ASB6: variants seen among roughly 807,000 people sequenced by gnomAD.
ASB6 encodes ankyrin repeat and SOCS box containing 6.
Under a neutral mutation model 28.6 loss-of-function variants are expected in ASB6, and 24 were observed. That is an observed-to-expected ratio of 0.84 (90% CI 0.61 to 1.18). The LOEUF (loss-of-function observed/expected upper bound fraction) is 1.18. ASB6 is among the 50% of genes most tolerant of loss of function. ASB6 has a pLI of 0.00. For synonymous variants in ASB6, 267 were observed against 243.4 expected (o/e 1.10, Z -0.90); for missense variants, 519 against 559.8 (o/e 0.93, Z 0.74).
In ASB6 at chr9:129,638,776, A is replaced by G; in HGVS notation, c.512-117T>C. 9 of 843,128 alleles carry G rather than the reference A, an allele frequency of 1.1e-5. 1 individual carries two copies. In the South Asian group the frequency reaches 1.3e-4, roughly 12 times the overall value. The allele number at this position is 843,128 out of a possible 1,614,324, so 52.2% of individuals were successfully genotyped here. A position where few individuals can be genotyped will look rare whatever the true frequency, so the allele number is the denominator to read the frequency against. On this transcript the variant is annotated intron_variant, in intron 4 of 5. Transcript: ENST00000277458. ...AGGATCAGAAGATGAACTTTCAGAG[A>G]CAACTCTCAGCTCAGGTGAGGGCTG... is the stretch of plus-strand genomic sequence containing the variant.
chr9:129,637,634 T>G lies in ASB6; in HGVS notation c.*156A>C. On this transcript the variant is annotated 3_prime_UTR_variant, in exon 6 of 6. Transcript: ENST00000277458. ...AGAGCTGCACCCTTCACCACTGGAG[T>G]GATCACAGCTTCAGGCTCTACCTGG... 1.4e-6 allele frequency: 1 copy of G among 696,124 alleles called. No individual in the cohort carries two copies. 43.1% of individuals were successfully genotyped at this position (696,124 alleles called of 1,614,324 possible).
chr9:129,638,080 C>T lies in ASB6; in HGVS notation c.976G>A (p.Ala326Thr). ...ACCATGAGATCCAGGACAGTCTCAG[C>T]TTTGCGCAGGAGGTCCGCATGGCTC... Reference protein sequence around the residue: ...DESHADLLRKAETVLDLMVTN... With the variant: ...DESHADLLRKTETVLDLMVTN... Residue 326 changes from alanine to threonine, a missense_variant, in exon 6 of 6, where the codon GCT becomes ACT. Transcript: ENST00000277458. The T allele has an allele frequency of 6.2e-7, 1 of 1,614,214 alleles. No homozygotes were observed. The highest frequency in any genetic ancestry group is 8.5e-7 in the Non-Finnish European group (1 of 1,180,048).
In ASB6 at chr9:129,635,140, G is replaced by T; in HGVS notation, c.*2650C>A. ...ATGAGGGGCTCAGCGGGGCTGAGAA[G>T]TACATCCCATCCAGTGCCGACATCC... On this transcript the variant is annotated 3_prime_UTR_variant, in exon 6 of 6. Transcript: ENST00000277458. 6.5e-7 allele frequency: 1 copy of T among 1,550,212 alleles called. No individual in the cohort carries two copies. Among genetic ancestry groups the T allele is most frequent in the Non-Finnish European group, 8.7e-7 (1 of 1,150,088 alleles).
In ASB6 at chr9:129,637,636, A is replaced by G. The variant is rs1831587893; in HGVS notation, c.*154T>C. 1.4e-6 allele frequency: 1 copy of G among 735,338 alleles called. No individual in the cohort carries two copies. Among genetic ancestry groups the G allele is most frequent in the Admixed American group, 3.6e-5 (1 of 27,988 alleles). The allele number at this position is 735,338 out of a possible 1,614,324, so 45.6% of individuals were successfully genotyped here. A position where few individuals can be genotyped will look rare whatever the true frequency, so the allele number is the denominator to read the frequency against. ...AGCTGCACCCTTCACCACTGGAGTG[A>G]TCACAGCTTCAGGCTCTACCTGGCT... On this transcript the variant is annotated 3_prime_UTR_variant, in exon 6 of 6. Coordinates refer to ENST00000277458, the MANE Select transcript of ASB6 (RefSeq NM_017873.4).
chr9:129,638,923 A>G (rs909697372), intron 4 of ASB6, among the ~76,000 whole-genome samples: 1 of 152,232 alleles, frequency 6.6e-6, no homozygotes, highest in Non-Finnish European at 1.5e-5. Context: ...GCCTCTCCCA[A>G]TGGGAAGCCA....
chr9:129,636,586 A>C lies in ASB6; in HGVS notation c.*1204T>G, dbSNP rs1222909602. 1 of 151,974 alleles carries C rather than the reference A, an allele frequency of 6.6e-6. No individual in the cohort carries two copies. Among genetic ancestry groups the C allele is most frequent in the Non-Finnish European group, 1.5e-5 (1 of 68,010 alleles). 9.4% of individuals were successfully genotyped at this position (151,974 alleles called of 1,614,324 possible). On this transcript the variant is annotated 3_prime_UTR_variant, in exon 6 of 6. Coordinates refer to ENST00000277458, the MANE Select transcript of ASB6 (RefSeq NM_017873.4). ...GTGGTGGGCACCTATAATGCCAGCT[A>C]CTCAGGAGGCTGAGGCAGGAGAACT...
At chr9:129,639,986 A>G (rs879178585) in intron 2 of ASB6, among the ~76,000 whole-genome samples, 1 of 152,148 alleles carries the variant, frequency 6.6e-6, no homozygotes, top group African/African-American at 2.4e-5. Flanking sequence ...TCAGGCCCCT[A>G]TTAGGTCACA....
In ASB6 at chr9:129,640,575, A is replaced by AACGTCGGCCGCCC. The variant is rs779592931; in HGVS notation, c.248_260dup (p.Leu88GlyfsTer15). 1.9e-6 allele frequency: 3 copies of AACGTCGGCCGCCC among 1,611,892 alleles called. No individual in the cohort carries two copies. The East Asian group carries it at 6.7e-5, about 36-fold the overall frequency. ...TGAGATTGGCCCCATGCCGCAAGAG[A>AACGTCGGCCGCCC]ACGTCGGCCGCCCGCGTCAGCCCCA... On this transcript the variant is annotated frameshift_variant, in exon 2 of 6. Coordinates refer to ENST00000277458, the MANE Select transcript of ASB6 (RefSeq NM_017873.4). LOFTEE classifies it high-confidence loss of function.
intron 1 of ASB6, chr9:129,640,959 G>T: frequency 1.9e-6 from 1 of 524,942 alleles, no homozygotes; most frequent in Non-Finnish European, 3.3e-6. Flanking sequence ...CTCTCCTCCC[G>T]CGTTGCCCAG....
Position 129,635,260 on chromosome 9 carries a change from C to T in ASB6, c.*2530G>A, listed in dbSNP as rs746780349. On this transcript the variant is annotated 3_prime_UTR_variant, in exon 6 of 6. Transcript: ENST00000277458. ...AGTTCCTGCGGCGCTGCAAGGGCAG[C>T]CTCCGCCCCAACGGCATCATCGTCA... The T allele has an allele frequency of 4.3e-6, 7 of 1,613,252 alleles. No individual in the cohort carries two copies. Among genetic ancestry groups the T allele is most frequent in the Non-Finnish European group, 5.9e-6 (7 of 1,180,024 alleles).
At chr9:129,641,710 G>A (rs980552161) in intron 1 of ASB6, among the ~76,000 whole-genome samples, 177 bp downstream of exon 1, 45 of 151,786 alleles carry the variant, frequency 3.0e-4, no homozygotes, top group Non-Finnish European at 1.0e-4. Flanking sequence ...CGCCATGCAA[G>A]GGGCAGGAGT....
Position 129,635,034 on chromosome 9 carries a change from A to G in ASB6, c.*2756T>C. On this transcript the variant is annotated 3_prime_UTR_variant, in exon 6 of 6. Coordinates refer to ENST00000277458, the MANE Select transcript of ASB6 (RefSeq NM_017873.4). Reference sequence around the variant, plus strand: ...GATGACCTCTGAGCCACAGTTTCCTATTCTATGAATTGGGGTTTAGTAAAT... The same window carrying G: ...GATGACCTCTGAGCCACAGTTTCCTGTTCTATGAATTGGGGTTTAGTAAAT... 5.5e-6 allele frequency: 4 copies of G among 722,300 alleles called. No individual in the cohort carries two copies. The South Asian group carries it at 5.6e-5, about 10-fold the overall frequency. The allele number at this position is 722,300 out of a possible 1,614,324, so 44.7% of individuals were successfully genotyped here. A position where few individuals can be genotyped will look rare whatever the true frequency, so the allele number is the denominator to read the frequency against.
At position 129,635,426 on chromosome 9, in the gene ASB6, G is replaced by C; in HGVS notation, c.*2364C>G. Reference sequence around the variant, plus strand: ...CGAGGAGAGGCAGGAGAACCTCCCCGATGAGATCTACCATGTCTATAGCTT... The same window carrying C: ...CGAGGAGAGGCAGGAGAACCTCCCCCATGAGATCTACCATGTCTATAGCTT... On this transcript the variant is annotated 3_prime_UTR_variant, in exon 6 of 6. Transcript: ENST00000277458. The C allele has an allele frequency of 1.2e-6, 2 of 1,612,614 alleles. No homozygotes were observed. Among genetic ancestry groups the C allele is most frequent in the Non-Finnish European group, 1.7e-6 (2 of 1,179,846 alleles).
chr9:129,635,542 C>G lies in ASB6; in HGVS notation c.*2248G>C, dbSNP rs1423258396. 1 of 1,507,402 alleles carries G rather than the reference C, an allele frequency of 6.6e-7. No individual in the cohort carries two copies. The highest frequency in any genetic ancestry group is 2.3e-5 in the East Asian group (1 of 44,010). 93.4% of individuals were successfully genotyped at this position (1,507,402 alleles called of 1,614,324 possible). A position where few individuals can be genotyped will look rare whatever the true frequency, so the allele number is the denominator to read the frequency against. On this transcript the variant is annotated 3_prime_UTR_variant, in exon 6 of 6. Coordinates refer to ENST00000277458, the MANE Select transcript of ASB6 (RefSeq NM_017873.4). ...GCAGCTGGGCAAGATCCAGGCGCCA[C>G]GCTGGCGGTTCGTGAGTGTCGAGGC... is the stretch of plus-strand genomic sequence containing the variant.
rs779185577 is a variant in ASB6, at chr9:129,635,506, G to C, written c.*2284C>G. On this transcript the variant is annotated 3_prime_UTR_variant, in exon 6 of 6. Transcript: ENST00000277458. ...GAAACTGAGGAACCACAGTCCTGGTGGGGGGAGCTGGCAGCTGGGCAAGAT... is the reference window on the plus strand; with the variant it reads ...GAAACTGAGGAACCACAGTCCTGGTCGGGGGAGCTGGCAGCTGGGCAAGAT... The C allele has an allele frequency of 5.7e-6, 9 of 1,575,382 alleles. No homozygotes were observed. Among genetic ancestry groups the C allele is most frequent in the South Asian group, 3.5e-5 (3 of 86,456 alleles).
In ASB6 at chr9:129,636,000, A is replaced by C. The variant is rs1831530399; in HGVS notation, c.*1790T>G. The C allele has an allele frequency of 6.5e-6, 1 of 153,406 alleles. No homozygotes were observed. The highest frequency in any genetic ancestry group is 2.4e-5 in the African/African-American group (1 of 41,470). The allele number at this position is 153,406 out of a possible 1,614,324, so 9.5% of individuals were successfully genotyped here. A position where few individuals can be genotyped will look rare whatever the true frequency, so the allele number is the denominator to read the frequency against. On this transcript the variant is annotated 3_prime_UTR_variant, in exon 6 of 6. Transcript: ENST00000277458. Reference sequence around the variant, plus strand: ...TGGCAGTGGAGACCTGGGGCCCTTAAAGTGTTACAACAGCCTGCAGCAAGG... The same window carrying C: ...TGGCAGTGGAGACCTGGGGCCCTTACAGTGTTACAACAGCCTGCAGCAAGG...
Position 129,635,261 on chromosome 9 carries a change from C to G in ASB6, c.*2529G>C. On this transcript the variant is annotated 3_prime_UTR_variant, in exon 6 of 6. Coordinates refer to ENST00000277458, the MANE Select transcript of ASB6 (RefSeq NM_017873.4). ...GTTCCTGCGGCGCTGCAAGGGCAGC[C>G]TCCGCCCCAACGGCATCATCGTCAT... 6.2e-7 allele frequency: 1 copy of G among 1,613,350 alleles called. No homozygotes were observed. Among genetic ancestry groups the G allele is most frequent in the Non-Finnish European group, 8.5e-7 (1 of 1,180,022 alleles).
chr9:129,635,511 G>GAGCTGGC lies in ASB6; in HGVS notation c.*2272_*2278dup. On this transcript the variant is annotated 3_prime_UTR_variant, in exon 6 of 6. Coordinates refer to ENST00000277458, the MANE Select transcript of ASB6 (RefSeq NM_017873.4). Reference sequence around the variant, plus strand: ...TGAGGAACCACAGTCCTGGTGGGGGGAGCTGGCAGCTGGGCAAGATCCAGG... The same window carrying GAGCTGGC: ...TGAGGAACCACAGTCCTGGTGGGGGGAGCTGGCAGCTGGCAGCTGGGCAAGATCCAGG... The GAGCTGGC allele has an allele frequency of 6.4e-7, 1 of 1,574,336 alleles. No individual in the cohort carries two copies. Among genetic ancestry groups the GAGCTGGC allele is most frequent in the East Asian group, 2.3e-5 (1 of 44,346 alleles).
chr9:129,634,722 C>T lies in ASB6; in HGVS notation c.*3068G>A, dbSNP rs1831417058. ...GCTGTGCCCTGGGCTGCTGACGTGG[C>T]GGCAGGCCGCTAGCAGCAGTCGGCC... On this transcript the variant is annotated 3_prime_UTR_variant, in exon 6 of 6. Transcript: ENST00000277458. The T allele has an allele frequency of 9.2e-6, 2 of 218,028 alleles. No individual in the cohort carries two copies. Among genetic ancestry groups the T allele is most frequent in the South Asian group, 8.1e-5 (1 of 12,402 alleles). 13.5% of individuals were successfully genotyped at this position (218,028 alleles called of 1,614,324 possible). A position where few individuals can be genotyped will look rare whatever the true frequency, so the allele number is the denominator to read the frequency against.
Sources: gnomAD v4.1 joint callset for allele counts (sites outside exome capture counted in the v4.1 genomes callset) on GRCh38, gnomAD v4.1.1 for gene constraint, MANE v1.5 for transcripts, NCBI Gene and HGNC (gene_info 2026-07-23, HGNC 2026-07-21) for gene names.